The following RFPL1 variants were observed in gnomAD, a reference collection of about 807,000 sequenced individuals.
The protein encoded by RFPL1 is ret finger protein like 1, also known as ret finger protein-like 1.
A neutral mutation model predicts 9.6 loss-of-function variants in RFPL1; 6 were observed. The ratio of observed to expected loss-of-function variants is 0.62; its 90% CI spans 0.34 to 1.23. The LOEUF is 1.23. Among genes scored for constraint, RFPL1 ranks in the 50% most tolerant of loss-of-function variants. The pLI is 0.03. For synonymous variants in RFPL1, 145 were observed against 149.4 expected (o/e 0.97, Z 0.22); for missense variants, 352 against 398.4 (o/e 0.88, Z 0.99).
the RFPL1 span, among the ~76,000 whole-genome samples, chr22:29,403,293 G>A: frequency 6.6e-6 from 1 of 151,692 alleles, no homozygotes; most frequent in African/African-American, 2.4e-5. Flanking sequence ...CTTGTTTTGG[G>A]AAAAGGACAG....
At chr22:29,427,414 TCA>T in the RFPL1 span, among the ~76,000 whole-genome samples, 1 of 152,166 alleles carries the variant, frequency 6.6e-6, no homozygotes, top group Non-Finnish European at 1.5e-5. Context: ...AGCCCTCAAG[TCA>T]CATTTACCCT....
chr22:29,437,773 T>C, upstream of RFPL1: 1 of 1,552,564 alleles, frequency 6.4e-7, no homozygotes, highest in South Asian at 1.2e-5. Context: ...CTTAGATGCC[T>C]AGAAATGGGG....
chr22:29,437,738 C>T, upstream of RFPL1: 6 of 1,582,774 alleles, frequency 3.8e-6, no homozygotes, highest in Non-Finnish European at 5.1e-6. Flanking sequence ...GAGGTGAGCC[C>T]ATGCCTGTGT....
rs764755856 is a variant in RFPL1 at position 29,441,578 on chromosome 22, TC to T, written c.412del (p.Leu138SerfsTer72). Reference sequence around the variant, plus strand: ...TTGGATGCCGACACAGCCAACAACTTCCTCCTCATTTCTGACGACCTCAGGA... The same window carrying T: ...TTGGATGCCGACACAGCCAACAACTTCTCCTCATTTCTGACGACCTCAGGA... On this transcript the variant is annotated frameshift_variant, in exon 2 of 2. Coordinates refer to ENST00000354373, the Ensembl canonical transcript of RFPL1. LOFTEE classifies it low-confidence loss of function (END_TRUNC). The T allele has an allele frequency of 8.8e-5, 53 of 599,088 alleles. No homozygotes were observed. In the East Asian group the frequency reaches 1.5e-3, roughly 17 times the overall value. The allele number at this position is 599,088 out of a possible 1,614,324, so 37.1% of individuals were successfully genotyped here. A position where few individuals can be genotyped will look rare whatever the true frequency, so the allele number is the denominator to read the frequency against.
At chr22:29,423,083 A>T in the RFPL1 span, 2 of 1,270,682 alleles carry the variant, frequency 1.6e-6, no homozygotes, top group African/African-American at 2.9e-5. Context: ...AGGGACAGGA[A>T]GAGAAAGCGT....
At chr22:29,421,753 C>T in the RFPL1 span, among the ~76,000 whole-genome samples, 5 of 151,150 alleles carry the variant, frequency 3.3e-5, no homozygotes, top group African/African-American at 1.2e-4. Flanking sequence ...TTCCTATCCC[C>T]CATCGATCTG....
At chr22:29,415,827 C>A in the RFPL1 span, among the ~76,000 whole-genome samples, 1 of 152,152 alleles carries the variant, frequency 6.6e-6, no homozygotes, top group African/African-American at 2.4e-5. Flanking sequence ...GTAAGCAAGG[C>A]AAGTATTTCT....
chr22:29,422,249 G>T, the RFPL1 span, among the ~76,000 whole-genome samples: 1 of 152,166 alleles, frequency 6.6e-6, no homozygotes, highest in Non-Finnish European at 1.5e-5. Flanking sequence ...TTTGAGACCA[G>T]CCTGGCCAAC....
chr22:29,394,198 T>G, the RFPL1 span, among the ~76,000 whole-genome samples: 1 of 152,166 alleles, frequency 6.6e-6, no homozygotes, highest in African/African-American at 2.4e-5. Context: ...GTCCAGTTCT[T>G]TGTTTTTGAG....
upstream of RFPL1, among the ~76,000 whole-genome samples, chr22:29,435,687 A>AC (rs557858448): frequency 2.2e-3 from 333 of 152,262 alleles, 3 homozygotes; most frequent in African/African-American, 7.7e-3. Flanking sequence ...TTTTTAATAG[A>AC]ACTAAATGTA....
At chr22:29,394,841 G>C in the RFPL1 span, among the ~76,000 whole-genome samples, 1 of 152,186 alleles carries the variant, frequency 6.6e-6, no homozygotes, top group Non-Finnish European at 1.5e-5. Flanking sequence ...GCTTCCCAAA[G>C]CAGCAATGGG....
At chr22:29,435,240 G>A (rs148086596), upstream of RFPL1, among the ~76,000 whole-genome samples, 143 of 152,272 alleles carry the variant, frequency 9.4e-4, 1 homozygote, top group Middle Eastern at 3.4e-3. Context: ...ACACCTGTCC[G>A]AGTGGCTTTT....
At chr22:29,424,943 G>T in the RFPL1 span, among the ~76,000 whole-genome samples, 1 of 150,342 alleles carries the variant, frequency 6.7e-6, no homozygotes. Flanking sequence ...GGTGGCTCAC[G>T]CCTGTAATCC....
At chr22:29,406,980 CTTCAT>C in the RFPL1 span, among the ~76,000 whole-genome samples, 1 of 152,062 alleles carries the variant, frequency 6.6e-6, no homozygotes, top group Non-Finnish European at 1.5e-5. Context: ...ATGTCATGTT[CTTCAT>C]TTATTTCATT....
chr22:29,392,632 C>T, the RFPL1 span, among the ~76,000 whole-genome samples: 1,354 of 151,976 alleles, frequency 8.9e-3, 23 homozygotes, highest in African/African-American at 0.031. Flanking sequence ...TCAAGGGATC[C>T]ACCTCCAAAG....
At chr22:29,388,439 G>C in the RFPL1 span, 1 of 152,374 alleles carries the variant, frequency 6.6e-6, no homozygotes. Context: ...GGTCCCAATA[G>C]CTCCCGGCGC....
chr22:29,411,602 C>G, the RFPL1 span, among the ~76,000 whole-genome samples: 2 of 152,170 alleles, frequency 1.3e-5, no homozygotes, highest in African/African-American at 4.8e-5. Flanking sequence ...AAAATTCAGA[C>G]TTGTGTAGAT....
chr22:29,414,459 A>C, the RFPL1 span, among the ~76,000 whole-genome samples: 1 of 152,198 alleles, frequency 6.6e-6, no homozygotes, highest in African/African-American at 2.4e-5. Flanking sequence ...ATTGGTATAG[A>C]TGGCTTTTTT....
the RFPL1 span, among the ~76,000 whole-genome samples, chr22:29,418,978 G>A: frequency 6.6e-6 from 1 of 152,128 alleles, no homozygotes; most frequent in Non-Finnish European, 1.5e-5. Context: ...CAGTGTCTGG[G>A]CTCGTGATTC....
Sources: allele counts gnomAD v4.1 joint callset (sites outside exome capture counted in the v4.1 genomes callset), GRCh38; gene constraint gnomAD v4.1.1; transcripts MANE v1.5; gene names NCBI Gene and HGNC (gene_info 2026-07-23, HGNC 2026-07-21).